Variants in PI4KA observed in about 807,000 individuals in gnomAD.
The protein encoded by PI4KA is phosphatidylinositol 4-kinase alpha.
PI4KA carries 122 observed loss-of-function variants against 271.4 expected under a neutral mutation model. The ratio of observed to expected loss-of-function variants is 0.45; its 90% CI spans 0.39 to 0.52. The LOEUF is 0.52. Among genes scored for constraint, PI4KA ranks in the 20% least tolerant of loss-of-function variants. The pLI, the probability that PI4KA is intolerant of heterozygous loss-of-function variation, is 0.00. For missense variants in PI4KA, 1,969 were observed against 2,769.1 expected, an observed-to-expected ratio of 0.71 and a Z score of 6.48; for synonymous variants, 1,041 against 1,078.8, an observed-to-expected ratio of 0.96 and a Z score of 0.69.
chr22:20,819,682 T>A lies in PI4KA; in HGVS notation c.748A>T (p.Thr250Ser). The change falls in exon 6 of 55, where the codon ACC becomes TCC. Residue 250 changes from threonine (T) to serine (S), a missense_variant. This residue lies in a region of PI4KA where 540 missense variants were observed against 555.5 expected (regional missense o/e 0.97). Transcript: ENST00000255882. ...ACACTGCTGGTTTTCCTCTTCAGGG[T>A]ACCCTCCTGACAGACAGTCAGCAGA... Reference protein sequence around the residue: ...SNLLTVCQEGTLKRKTSSVSS... With the variant: ...SNLLTVCQEGSLKRKTSSVSS... The A allele has an allele frequency of 6.2e-7, 1 of 1,614,014 alleles. No homozygotes were observed. Among genetic ancestry groups the A allele is most frequent in the South Asian group, 1.1e-5 (1 of 91,070 alleles).
At chr22:20,742,427 C>A (rs953725773) in intron 31 of PI4KA, 72 bp from the exon 32 acceptor site, 10 of 1,583,920 alleles carry the variant, frequency 6.3e-6, no homozygotes, top group South Asian at 2.3e-5. Context: ...CCTGGGCCAA[C>A]AAGAGTTGAC....
At chr22:20,825,845 G>A (rs1269886121) in intron 3 of PI4KA, among the ~76,000 whole-genome samples, 1 of 152,144 alleles carries the variant, frequency 6.6e-6, no homozygotes, top group Admixed American at 6.5e-5. Context: ...AATAAGCATA[G>A]TACCCAGAAA....
intron 17 of PI4KA, among the ~76,000 whole-genome samples, chr22:20,797,402 G>C (rs1935048462): frequency 6.6e-6 from 1 of 152,136 alleles, no homozygotes; most frequent in African/African-American, 2.4e-5. Flanking sequence ...TGGCGAGGCA[G>C]CTGGGGACAC....
chr22:20,797,595 T>C (rs928988893), intron 17 of PI4KA, among the ~76,000 whole-genome samples: 23 of 152,212 alleles, frequency 1.5e-4, no homozygotes, highest in African/African-American at 5.5e-4. Flanking sequence ...AAGAAGGCAA[T>C]GAAGTAGTAT....
intron 19 of PI4KA, among the ~76,000 whole-genome samples, chr22:20,785,266 C>T (rs1452815183): frequency 2.0e-5 from 3 of 152,106 alleles, no homozygotes; most frequent in Non-Finnish European, 2.9e-5. Flanking sequence ...GATGAGGTCT[C>T]GCTGTGTTGC....
In PI4KA at chr22:20,770,536, A is replaced by G. The variant is rs1569011581; in HGVS notation, c.2329-4843T>C. Among the ~76,000 whole-genome samples the G allele has an allele frequency of 2.2e-4, 31 of 143,638 alleles. 1 individual carries two copies. The highest frequency in any genetic ancestry group is 4.9e-4 in the African/African-American group (19 of 38,594). 94.2% of individuals were successfully genotyped at this position (143,638 alleles called of 152,430 possible). ...CTCAAAAAAAAAAAAAAAAAAAGAG[A>G]GAGAGAGAGATCGGTTTTGCTATGT... is the stretch of plus-strand genomic sequence containing the variant. On this transcript the variant is annotated intron_variant, in intron 19 of 54. Coordinates refer to ENST00000255882, the MANE Select transcript of PI4KA (RefSeq NM_058004.4).
intron 8 of PI4KA, among the ~76,000 whole-genome samples, chr22:20,811,626 G>T (rs1345083666): frequency 9.1e-6 from 1 of 109,576 alleles, no homozygotes; most frequent in African/African-American, 3.8e-5. Context: ...AAAAAAAACT[G>T]CCCACATCCA....
At chr22:20,786,148 G>C in intron 19 of PI4KA, 1 of 1,614,012 alleles carries the variant, frequency 6.2e-7, no homozygotes, top group Non-Finnish European at 8.5e-7. Flanking sequence ...CCATCGACCT[G>C]GTAACCACTC....
chr22:20,793,331 A>C, intron 18 of PI4KA, 88 bp from the exon 19 acceptor site: 1 of 760,318 alleles, frequency 1.3e-6, no homozygotes, highest in Non-Finnish European at 2.3e-6. Context: ...AGTGTTATGT[A>C]AACCTGGAAT....
In PI4KA at chr22:20,803,258, T is replaced by G; in HGVS notation, c.1524A>C (p.Arg508=). 6.2e-7 allele frequency: 1 copy of G among 1,614,088 alleles called. No homozygotes were observed. The highest frequency in any genetic ancestry group is 8.5e-7 in the Non-Finnish European group (1 of 1,179,984). Reference sequence around the variant, plus strand: ...CTGGGGACGGGATGACCAGGAAGTCTCGCAAGGACGGTGTCACAGAGTGCA... The same window carrying G: ...CTGGGGACGGGATGACCAGGAAGTCGCGCAAGGACGGTGTCACAGAGTGCA... ...VVVHSVTPSL[R]DFLVIPSPVL... Residue 508 remains arginine, a synonymous_variant, in exon 13 of 55, where the codon CGA becomes CGC. Coordinates refer to ENST00000255882, the MANE Select transcript of PI4KA (RefSeq NM_058004.4).
At chr22:20,809,052 C>T (rs759108060) in intron 9 of PI4KA, among the ~76,000 whole-genome samples, 17 of 152,138 alleles carry the variant, frequency 1.1e-4, no homozygotes, top group Admixed American at 3.3e-4. Context: ...TGGTTGACAG[C>T]ACTGCAATGA....
intron 19 of PI4KA, among the ~76,000 whole-genome samples, chr22:20,768,604 G>A (rs1932741905): frequency 6.6e-6 from 1 of 152,134 alleles, no homozygotes; most frequent in African/African-American, 2.4e-5. Flanking sequence ...CCATCAACAT[G>A]TTCCTTTTAC....
At chr22:20,826,069 T>C (rs1376382360) in intron 3 of PI4KA, among the ~76,000 whole-genome samples, 1 of 152,124 alleles carries the variant, frequency 6.6e-6, no homozygotes, top group African/African-American at 2.4e-5. Flanking sequence ...TGGCCAGGTA[T>C]GGTGGCCTCA....
chr22:20,742,437 C>G (rs1355942330), intron 31 of PI4KA, 82 bp from the exon 32 acceptor site: 1 of 1,572,832 alleles, frequency 6.4e-7, no homozygotes, highest in Non-Finnish European at 8.6e-7. Context: ...CAAGAGTTGA[C>G]CAGCTGGGGC....
At chr22:20,717,150 G>A (rs1213090423) in intron 45 of PI4KA, among the ~76,000 whole-genome samples, 6 of 152,172 alleles carry the variant, frequency 3.9e-5, no homozygotes, top group Non-Finnish European at 8.8e-5. Flanking sequence ...GGAGGCTGAG[G>A]CGACACAGCG....
intron 1 of PI4KA, among the ~76,000 whole-genome samples, chr22:20,851,220 C>A (rs1926934040): frequency 6.6e-6 from 1 of 151,958 alleles, no homozygotes; most frequent in Non-Finnish European, 1.5e-5. Flanking sequence ...TATTTATCCA[C>A]CCCTCTAATA....
chr22:20,799,617 A>G (rs1023894008), intron 15 of PI4KA, 54 bp downstream of exon 15: 7 of 1,274,154 alleles, frequency 5.5e-6, no homozygotes, highest in African/African-American at 4.4e-5. Context: ...GGTGCCCCAC[A>G]CGAGCCTGCT....
At chr22:20,751,614 C>T (rs1446921231) in intron 26 of PI4KA, 60 bp downstream of exon 26, 2 of 1,382,824 alleles carry the variant, frequency 1.4e-6, no homozygotes, top group Non-Finnish European at 2.1e-6. Flanking sequence ...GCGGACAGGG[C>T]CGGCGGGGTG....
At chr22:20,817,945 T>C (rs1350084799) in intron 7 of PI4KA, among the ~76,000 whole-genome samples, 6 of 151,468 alleles carry the variant, frequency 4.0e-5, no homozygotes, top group Non-Finnish European at 4.4e-5. Context: ...GCCACCATGG[T>C]GAAACCCTGT....
Sources: gnomAD v4.1 joint callset for allele counts (sites outside exome capture counted in the v4.1 genomes callset) on GRCh38, gnomAD v4.1.1 for gene constraint, gnomAD v4.1.1 regional missense constraint, MANE v1.5 for transcripts, NCBI Gene and HGNC (gene_info 2026-07-23, HGNC 2026-07-21) for gene names.